Variants in C8orf89 observed in about 807,000 individuals in gnomAD.
C8orf89 encodes putative uncharacterized protein C8orf89.
A neutral mutation model predicts 15.8 loss-of-function variants in C8orf89; 14 were observed. That is an observed-to-expected ratio of 0.89 (90% confidence interval 0.59 to 1.39). The LOEUF (loss-of-function observed/expected upper bound fraction) is 1.39. Ranked by LOEUF, C8orf89 falls within the 40% of genes most tolerant of loss-of-function variation. C8orf89 has a pLI of 0.00. For missense variants in C8orf89, 181 were observed against 184.5 expected (o/e 0.98, Z 0.11); for synonymous variants, 55 against 62.2 (o/e 0.88, Z 0.54).
intron 2 of C8orf89, among the ~76,000 whole-genome samples, chr8:73,254,023 G>C (rs1047723929): frequency 6.6e-6 from 1 of 152,128 alleles, no homozygotes; most frequent in Admixed American, 6.5e-5. Flanking sequence ...TTTTCAAAGG[G>C]AATGCTTCCA....
At chr8:73,250,373 C>T in intron 2 of C8orf89, 50 bp from the exon 3 acceptor site, 1 of 1,030,170 alleles carries the variant, frequency 9.7e-7, no homozygotes, top group Non-Finnish European at 1.4e-6. Context: ...ATTCAGGGCA[C>T]AATGAAACTC....
At chr8:73,245,265 A>G (rs1399548231) in intron 3 of C8orf89, among the ~76,000 whole-genome samples, 2 of 152,246 alleles carry the variant, frequency 1.3e-5, no homozygotes, top group Non-Finnish European at 2.9e-5. Flanking sequence ...GACACAGTCA[A>G]ACCATATAAA....
the C8orf89 span, among the ~76,000 whole-genome samples, chr8:73,265,227 CT>C: frequency 6.6e-6 from 1 of 151,988 alleles, no homozygotes; most frequent in South Asian, 2.1e-4. Context: ...TTTAATGTGG[CT>C]TTCAGAAATT....
the C8orf89 span, among the ~76,000 whole-genome samples, chr8:73,273,122 C>G: frequency 6.6e-6 from 1 of 152,178 alleles, no homozygotes; most frequent in Admixed American, 6.5e-5. Flanking sequence ...ATGCCAGTTG[C>G]AGTGGGGGAG....
At chr8:73,252,107 C>T (rs542923353) in intron 2 of C8orf89, among the ~76,000 whole-genome samples, 1 of 152,280 alleles carries the variant, frequency 6.6e-6, no homozygotes, top group Admixed American at 6.5e-5. Context: ...TTATTCTAAC[C>T]TTACTTCAGA....
At chr8:73,277,077 G>C in the C8orf89 span, among the ~76,000 whole-genome samples, 2 of 152,024 alleles carry the variant, frequency 1.3e-5, no homozygotes, top group East Asian at 3.9e-4. Context: ...AAAGTGCTGG[G>C]ATTACAAGCA....
In C8orf89 at chr8:73,257,114, G is replaced by A. The variant is rs1287437222; in HGVS notation, c.140C>T (p.Ala47Val). The change falls in exon 2 of 4, where the codon GCA becomes GTA. Residue 47 changes from alanine to valine, a missense_variant. By Grantham distance (64) the Ala-to-Val change is moderately conservative (BLOSUM62 0). Transcript: ENST00000624510. ...TQKIKKEYTT[A>V]FGLEELKECI... ...TTCCTTGAGCTCTTCTAGACCAAATGCTGTGGTATATTCTGGTTAAAAATA... is the reference window on the plus strand; with the variant it reads ...TTCCTTGAGCTCTTCTAGACCAAATACTGTGGTATATTCTGGTTAAAAATA... 6.5e-7 allele frequency: 1 copy of A among 1,531,888 alleles called. No individual in the cohort carries two copies. Among genetic ancestry groups the A allele is most frequent in the East Asian group, 2.4e-5 (1 of 40,826 alleles). 94.9% of individuals were successfully genotyped at this position (1,531,888 alleles called of 1,614,324 possible).
At chr8:73,243,675 G>A (rs775910745) in intron 3 of C8orf89, among the ~76,000 whole-genome samples, 12 of 152,076 alleles carry the variant, frequency 7.9e-5, no homozygotes, top group South Asian at 2.1e-4. Flanking sequence ...GACTACAGGC[G>A]TGTGCCATCA....
chr8:73,241,622 G>A lies in C8orf89; in HGVS notation c.338-17C>T. The A allele has an allele frequency of 1.4e-6, 2 of 1,467,680 alleles. No individual in the cohort carries two copies. The highest frequency in any genetic ancestry group is 1.8e-6 in the Non-Finnish European group (2 of 1,113,568). 90.9% of individuals were successfully genotyped at this position (1,467,680 alleles called of 1,614,324 possible). On this transcript the variant is annotated splice_polypyrimidine_tract_variant and intron_variant, in intron 3 of 3. Coordinates refer to ENST00000624510, the MANE Select transcript of C8orf89 (RefSeq NM_001243237.3). ...AGCCAGAACCTGGAGGAGGAGGTGG[G>A]GAGTCAGCTATTAAAATGAATTAAG...
At chr8:73,269,931 C>G in the C8orf89 span, among the ~76,000 whole-genome samples, 1 of 152,080 alleles carries the variant, frequency 6.6e-6, no homozygotes, top group African/African-American at 2.4e-5. Context: ...TTATATTTAT[C>G]TATATTTTTG....
the C8orf89 span, among the ~76,000 whole-genome samples, chr8:73,275,826 GAT>G: frequency 2.6e-5 from 4 of 151,748 alleles, no homozygotes; most frequent in Non-Finnish European, 5.9e-5. Context: ...TTTAAATTTT[GAT>G]ATAGTCAAAT....
At chr8:73,250,967 TAA>T (rs201900280) in intron 2 of C8orf89, among the ~76,000 whole-genome samples, 2 of 147,094 alleles carry the variant, frequency 1.4e-5, no homozygotes, top group African/African-American at 4.9e-5. Context: ...CAAGGCTAAT[TAA>T]AAAAAAAAAG....
upstream of C8orf89, among the ~76,000 whole-genome samples, chr8:73,260,643 C>G (rs7005232): frequency 6.6e-6 from 1 of 151,566 alleles, no homozygotes; most frequent in Non-Finnish European, 1.5e-5. Context: ...CCCACTGCAG[C>G]CTTGGGCATT....
chr8:73,284,795 A>AT, the C8orf89 span, among the ~76,000 whole-genome samples: 3 of 152,208 alleles, frequency 2.0e-5, no homozygotes, highest in Non-Finnish European at 4.4e-5. Flanking sequence ...GTAACAAGAG[A>AT]TTTTAACTTG....
rs372458294 is a variant in C8orf89 at position 73,254,557 on chromosome 8, C to T, written c.281+2416G>A. Among the ~76,000 whole-genome samples, 101 of 152,238 alleles carry T rather than the reference C, an allele frequency of 6.6e-4. No individual in the cohort carries two copies. The South Asian group carries it at 8.7e-3, about 13-fold the overall frequency. On this transcript the variant is annotated intron_variant, in intron 2 of 3. Coordinates refer to ENST00000624510, the MANE Select transcript of C8orf89 (RefSeq NM_001243237.3). ...GAGTGGCAAGAAGGAAGCTGCTAAA[C>T]GGGATCCAGATGCAGCTTTATCCAG...
chr8:73,246,125 T>A (rs550468443), intron 3 of C8orf89, among the ~76,000 whole-genome samples: 1 of 152,318 alleles, frequency 6.6e-6, no homozygotes, highest in South Asian at 2.1e-4. Context: ...TAATAAATCA[T>A]TTCTAAATTG....
chr8:73,267,174 C>CTATA, the C8orf89 span, among the ~76,000 whole-genome samples: 1 of 152,068 alleles, frequency 6.6e-6, no homozygotes, highest in Non-Finnish European at 1.5e-5. Context: ...GTACTGAACC[C>CTATA]TATATATGCT....
the C8orf89 span, among the ~76,000 whole-genome samples, chr8:73,270,326 T>C: frequency 6.6e-6 from 1 of 152,230 alleles, no homozygotes; most frequent in African/African-American, 2.4e-5. Context: ...GGTCTACGTA[T>C]CTGTATAAAA....
chr8:73,274,522 G>C, the C8orf89 span, among the ~76,000 whole-genome samples: 1 of 152,042 alleles, frequency 6.6e-6, no homozygotes, highest in Non-Finnish European at 1.5e-5. Context: ...TGTAACATTT[G>C]TTTCCCTATC....
Sources: allele counts gnomAD v4.1 joint callset (sites outside exome capture counted in the v4.1 genomes callset), GRCh38; gene constraint gnomAD v4.1.1; transcripts MANE v1.5; gene names NCBI Gene and HGNC (gene_info 2026-07-23, HGNC 2026-07-21).